ITGA8: variants seen among roughly 807,000 people sequenced by gnomAD.
The protein encoded by ITGA8 is integrin alpha-8.
In ITGA8, 91 loss-of-function variants were observed where a neutral mutation model predicts 142.3. That is an observed-to-expected ratio of 0.64 (90% CI 0.54 to 0.76). The LOEUF is 0.76. ITGA8 is among the 30% of genes least tolerant of loss of function. The probability of loss-of-function intolerance (pLI) is 0.00; values close to 1 mark genes in which losing one functional copy is unlikely to be tolerated. For missense variants in ITGA8, 1,406 were observed against 1,327.7 expected (o/e 1.06, Z -0.92); for synonymous variants, 505 against 485.2 (o/e 1.04, Z -0.54).
At position 15,538,799 on chromosome 10, in the gene ITGA8, C is replaced by T. The variant is rs543638926; in HGVS notation, c.2881-7648G>A. 2.6e-5 allele frequency among the ~76,000 whole-genome samples: 4 copies of T among 152,070 alleles called. No individual in the cohort carries two copies. The South Asian group carries it at 8.3e-4, about 32-fold the overall frequency. ...AAAATAATTAAATGATAAAAAGACT[C>T]AGATGACAATTTATCATGAGGAGGC... On this transcript the variant is annotated intron_variant, in intron 27 of 29. Transcript: ENST00000378076.
chr10:15,579,067 A>G (rs1834354124), intron 23 of ITGA8, among the ~76,000 whole-genome samples: 1 of 152,144 alleles, frequency 6.6e-6, no homozygotes, highest in Non-Finnish European at 1.5e-5. Flanking sequence ...AACACCATGG[A>G]CCAAAAATAA....
At chr10:15,700,751 G>A (rs893563769) in intron 2 of ITGA8, among the ~76,000 whole-genome samples, 2 of 151,966 alleles carry the variant, frequency 1.3e-5, no homozygotes, top group Non-Finnish European at 2.9e-5. Context: ...TCAAAAAGTG[G>A]GCTGAGGACA....
chr10:15,651,255 T>C (rs899292648), intron 11 of ITGA8, among the ~76,000 whole-genome samples: 1 of 152,212 alleles, frequency 6.6e-6, no homozygotes, highest in African/African-American at 2.4e-5. Flanking sequence ...CTCCATTTGT[T>C]GTTAACAGGT....
chr10:15,675,325 C>T (rs1163463445), intron 6 of ITGA8, among the ~76,000 whole-genome samples: 1 of 152,202 alleles, frequency 6.6e-6, no homozygotes, highest in Non-Finnish European at 1.5e-5. Context: ...TGTTCTGTAT[C>T]TCAGTGAGCG....
At chr10:15,657,490 G>T (rs1463407080) in intron 10 of ITGA8, among the ~76,000 whole-genome samples, 1 of 131,364 alleles carries the variant, frequency 7.6e-6, no homozygotes, top group Admixed American at 7.6e-5. Context: ...AAACCTGCTG[G>T]TTTCTTTTTC....
At position 15,543,677 on chromosome 10, in the gene ITGA8, G is replaced by A. The variant is rs115834491; in HGVS notation, c.2880+4778C>T. Among the ~76,000 whole-genome samples the A allele has an allele frequency of 8.9e-3, 1,353 of 152,286 alleles. 19 individuals carry two copies. The highest frequency in any genetic ancestry group is 0.032 in the African/African-American group (1,315 of 41,550). ...TTAAAGAAATTGGTGCAATACTGTA[G>A]CAAAATAGAGTCAGGCTTTGTTAGT... On this transcript the variant is annotated intron_variant, in intron 27 of 29. Transcript: ENST00000378076.
chr10:15,665,334 A>C (rs900355114), intron 8 of ITGA8, among the ~76,000 whole-genome samples: 7 of 152,152 alleles, frequency 4.6e-5, no homozygotes, highest in African/African-American at 1.7e-4. Flanking sequence ...ATGTCTGTTC[A>C]TATCCTTCGC....
intron 13 of ITGA8, among the ~76,000 whole-genome samples, chr10:15,632,154 G>C (rs1833696252): frequency 6.6e-6 from 1 of 151,948 alleles, no homozygotes. Flanking sequence ...CCTGATTCAA[G>C]CATGGGGAGG....
In ITGA8 at chr10:15,611,802, T is replaced by TA. The variant is rs35344683; in HGVS notation, c.1553+1857dup. Among the ~76,000 whole-genome samples, 1,361 of 148,382 alleles carry TA rather than the reference T, an allele frequency of 9.2e-3. 23 individuals are homozygous for TA. Among genetic ancestry groups the TA allele is most frequent in the African/African-American group, 0.032 (1,284 of 39,552 alleles). On this transcript the variant is annotated intron_variant, in intron 15 of 29. Transcript: ENST00000378076. ...CCCCAAACAGAACTCTTAATCTGGT[T>TA]AAAAAAAAAAAAAAAAAACCACACA...
chr10:15,521,623 T>C (rs1461660147), intron 28 of ITGA8, among the ~76,000 whole-genome samples: 1 of 152,202 alleles, frequency 6.6e-6, no homozygotes, highest in Admixed American at 6.5e-5. Flanking sequence ...TTTCTTCCTA[T>C]GCCTGTTAAC....
At position 15,640,042 on chromosome 10, in the gene ITGA8, T is replaced by C. The variant is rs535671184; in HGVS notation, c.1399+3988A>G. On this transcript the variant is annotated intron_variant, in intron 13 of 29. Transcript: ENST00000378076. Reference sequence around the variant, plus strand: ...CCAGCAAGTGAGACATGAGGTTTCATTGAGGACCTACGTACAGGGCAGAGA... The same window carrying C: ...CCAGCAAGTGAGACATGAGGTTTCACTGAGGACCTACGTACAGGGCAGAGA... Among the ~76,000 whole-genome samples the C allele has an allele frequency of 1.4e-4, 22 of 152,310 alleles. No individual in the cohort carries two copies. The South Asian group carries it at 1.7e-3, about 12-fold the overall frequency.
chr10:15,630,727 T>G (rs1833670414), intron 13 of ITGA8, among the ~76,000 whole-genome samples: 1 of 151,942 alleles, frequency 6.6e-6, no homozygotes, highest in East Asian at 1.9e-4. Context: ...CAAAGTGACA[T>G]ATTAAAAAAC....
At chr10:15,557,940 C>T in intron 26 of ITGA8, 134 bp downstream of exon 26, 1 of 1,104,732 alleles carries the variant, frequency 9.1e-7, no homozygotes, top group Non-Finnish European at 1.3e-6. Flanking sequence ...TCGAGATAAA[C>T]ACTGCCAAAC....
chr10:15,597,128 G>T, intron 21 of ITGA8, 79 bp downstream of exon 21: 1 of 1,124,900 alleles, frequency 8.9e-7, no homozygotes, highest in Non-Finnish European at 1.4e-6. Context: ...TTGCTGAGTG[G>T]TAACTGGAGA....
intron 23 of ITGA8, among the ~76,000 whole-genome samples, chr10:15,576,887 C>T (rs1468763750): frequency 1.3e-5 from 2 of 152,150 alleles, no homozygotes; most frequent in Non-Finnish European, 2.9e-5. Flanking sequence ...TTAAGAAGAA[C>T]AGGGCACAAC....
At chr10:15,606,635 G>C (rs1198106373) in intron 17 of ITGA8, among the ~76,000 whole-genome samples, 1 of 152,166 alleles carries the variant, frequency 6.6e-6, no homozygotes, top group African/African-American at 2.4e-5. Context: ...TAGAGCTGCG[G>C]CTTCATTGAA....
In ITGA8 at chr10:15,660,895, G is replaced by A. The variant is rs1382528142; in HGVS notation, c.875C>T (p.Ala292Val). 1 of 1,613,472 alleles carries A rather than the reference G, an allele frequency of 6.2e-7. No homozygotes were observed. The highest frequency in any genetic ancestry group is 8.5e-7 in the Non-Finnish European group (1 of 1,179,754). ...AGTACTCACATATCCAAAATTCTGT[G>A]CTCCTCTTGGAATTCCAGCAACCAA... Reference protein sequence around the residue: ...QELVAGIPRGAQNFGYVSIIN... With the variant: ...QELVAGIPRGVQNFGYVSIIN... The change falls in exon 9 of 30, where the codon GCA becomes GTA. Residue 292 changes from alanine (A) to valine (V), a missense_variant. Ala to Val is a moderately conservative substitution (Grantham distance 64). Coordinates refer to ENST00000378076, the MANE Select transcript of ITGA8 (RefSeq NM_003638.3).
intron 27 of ITGA8, among the ~76,000 whole-genome samples, chr10:15,545,491 A>G (rs1452424098): frequency 6.6e-6 from 1 of 152,162 alleles, no homozygotes; most frequent in African/African-American, 2.4e-5. Flanking sequence ...ATAACACATG[A>G]TGATAAAGAA....
chr10:15,681,121 A>G (rs1418382619), intron 4 of ITGA8, among the ~76,000 whole-genome samples: 1 of 152,238 alleles, frequency 6.6e-6, no homozygotes, highest in African/African-American at 2.4e-5. Context: ...ATCAATATGA[A>G]TGAGCAGGTA....
Sources: allele counts gnomAD v4.1 joint callset (sites outside exome capture counted in the v4.1 genomes callset), GRCh38; gene constraint gnomAD v4.1.1; transcripts MANE v1.5; gene names NCBI Gene and HGNC (gene_info 2026-07-23, HGNC 2026-07-21).